SYN3: variants seen among roughly 807,000 people sequenced by gnomAD.
The protein encoded by SYN3 is synapsin-3.
In SYN3, 35 loss-of-function variants were observed where a neutral mutation model predicts 65.8. That is an observed-to-expected ratio of 0.53 (90% CI 0.41 to 0.70). SYN3 has a LOEUF of 0.70. Among genes scored for constraint, SYN3 ranks in the 30% least tolerant of loss-of-function variants. The pLI, the probability that SYN3 is intolerant of heterozygous loss-of-function variation, is 0.00. For missense variants in SYN3, 680 were observed against 749.0 expected (o/e 0.91, Z 1.08); for synonymous variants, 270 against 292.9 (o/e 0.92, Z 0.80).
intron 6 of SYN3, among the ~76,000 whole-genome samples, chr22:32,758,195 A>G (rs1440329222): frequency 1.3e-5 from 2 of 152,180 alleles, no homozygotes; most frequent in Non-Finnish European, 2.9e-5. Context: ...GGTTGTACCA[A>G]GGATAGTTGT....
intron 6 of SYN3, among the ~76,000 whole-genome samples, chr22:32,787,133 C>T (rs2046216433): frequency 6.6e-6 from 1 of 150,416 alleles, no homozygotes. Context: ...CTGCAGCCTC[C>T]ATCTCCTGGG....
At chr22:32,584,682 G>A (rs1345807467) in intron 7 of SYN3, among the ~76,000 whole-genome samples, 2 of 152,146 alleles carry the variant, frequency 1.3e-5, no homozygotes, top group African/African-American at 4.8e-5. Context: ...TGTCCCTCTT[G>A]ACAAAATGGG....
At chr22:32,929,358 A>AT (rs35332800) in intron 4 of SYN3, among the ~76,000 whole-genome samples, 44,402 of 151,894 alleles carry the variant, frequency 0.29, 6,861 homozygotes, top group South Asian at 0.35. Context: ...TCCATACCTG[A>AT]TTTTTTTCAA....
Position 32,980,664 on chromosome 22 carries a change from A to G in SYN3, c.350T>C (p.Ile117Thr), listed in dbSNP as rs1256347672. The part of the protein sequence containing the change: ...YFHGKKVNGE[I>T]EIRVEQAEFS... ...ACCTACCTGCTCCACTCGGATCTCA[A>G]TCTCTCCATTCACCTTCTTCCCATG... Residue 117 changes from isoleucine (I) to threonine (T), a missense_variant, in exon 3 of 14, where the codon ATT (isoleucine) becomes ACT (threonine). By Grantham distance (89) the Ile-to-Thr change is moderately conservative. Coordinates refer to ENST00000358763, the MANE Select transcript of SYN3 (RefSeq NM_003490.4). 3.7e-6 allele frequency: 6 copies of G among 1,613,990 alleles called. No individual in the cohort carries two copies. The highest frequency in any genetic ancestry group is 5.1e-6 in the Non-Finnish European group (6 of 1,179,930).
chr22:33,046,625 G>A (rs1465248378), intron 1 of SYN3, among the ~76,000 whole-genome samples: 2 of 151,718 alleles, frequency 1.3e-5, no homozygotes, highest in Admixed American at 6.6e-5. Context: ...GGTGGATCAC[G>A]AGGTCAGGAG....
In SYN3 at chr22:32,765,718, G is replaced by T. The variant is rs377434643; in HGVS notation, c.711+99197C>A. Among the ~76,000 whole-genome samples, 281 of 152,268 alleles carry T rather than the reference G, an allele frequency of 1.8e-3. 1 individual carries two copies. The highest frequency in any genetic ancestry group is 6.8e-3 in the Middle Eastern group (2 of 294). On this transcript the variant is annotated intron_variant, in intron 6 of 13. Coordinates refer to ENST00000358763, the MANE Select transcript of SYN3 (RefSeq NM_003490.4). ...GGCTAGAGATAGAGAAGGGGAGGAG[G>T]AAGGCTGGGGGACTGTGCACCCCTT...
intron 7 of SYN3, among the ~76,000 whole-genome samples, chr22:32,567,941 T>A (rs924067952): frequency 6.6e-6 from 1 of 152,216 alleles, no homozygotes; most frequent in African/African-American, 2.4e-5. Context: ...CATGGCCATT[T>A]TATGCATCAG....
At chr22:32,900,165 G>A (rs1284265534) in intron 4 of SYN3, among the ~76,000 whole-genome samples, 1 of 152,148 alleles carries the variant, frequency 6.6e-6, no homozygotes, top group Non-Finnish European at 1.5e-5. Context: ...TGACCTTCTA[G>A]TACTGTCTCC....
intron 5 of SYN3, among the ~76,000 whole-genome samples, chr22:32,868,253 C>A (rs986624104): frequency 4.6e-5 from 7 of 151,590 alleles, no homozygotes; most frequent in African/African-American, 1.7e-4. Context: ...TAACATAACA[C>A]CATATCATAA....
At chr22:33,000,846 G>C (rs1346427574) in intron 2 of SYN3, among the ~76,000 whole-genome samples, 2 of 152,308 alleles carry the variant, frequency 1.3e-5, no homozygotes, top group East Asian at 3.9e-4. Context: ...AGACTCTGCA[G>C]AACCACCCAG....
intron 6 of SYN3, among the ~76,000 whole-genome samples, chr22:32,828,501 A>G (rs2146110573): frequency 6.6e-6 from 1 of 152,340 alleles, no homozygotes. Context: ...GAATTGAAAT[A>G]AGTCTTTTCC....
chr22:32,695,564 G>C (rs890492167), intron 6 of SYN3, among the ~76,000 whole-genome samples: 1 of 152,096 alleles, frequency 6.6e-6, no homozygotes, highest in Non-Finnish European at 1.5e-5. Context: ...GGTCAGTGTG[G>C]GTCACCAGAA....
intron 6 of SYN3, among the ~76,000 whole-genome samples, chr22:32,841,915 T>C (rs1239058161): frequency 6.6e-6 from 1 of 152,084 alleles, no homozygotes; most frequent in African/African-American, 2.4e-5. Flanking sequence ...GTGGGAGCTG[T>C]CAGTTGTGCA....
intron 6 of SYN3, among the ~76,000 whole-genome samples, chr22:32,597,404 T>C (rs1179770130): frequency 5.3e-5 from 8 of 151,812 alleles, no homozygotes; most frequent in South Asian, 2.1e-4. Flanking sequence ...CTAGTAGAGA[T>C]GGGGTTTCAC....
chr22:32,727,238 A>G (rs1485423204), intron 6 of SYN3, among the ~76,000 whole-genome samples: 1 of 152,008 alleles, frequency 6.6e-6, no homozygotes, highest in African/African-American at 2.4e-5. Context: ...AACATGCGTT[A>G]TTTGGTTTTC....
intron 1 of SYN3, among the ~76,000 whole-genome samples, chr22:33,017,493 A>G (rs1386097455): frequency 1.3e-5 from 2 of 152,180 alleles, no homozygotes; most frequent in Non-Finnish European, 2.9e-5. Flanking sequence ...CATTCTTCCA[A>G]TCCGTGAACA....
chr22:32,596,760 C>T, intron 6 of SYN3, 24 bp from the exon 7 acceptor site: 1 of 1,612,558 alleles, frequency 6.2e-7, no homozygotes, highest in Non-Finnish European at 8.5e-7. Flanking sequence ...GAAGAAGTCA[C>T]TCTTAACATC....
intron 2 of SYN3, among the ~76,000 whole-genome samples, chr22:32,984,885 C>T (rs1370731354): frequency 6.6e-6 from 1 of 152,210 alleles, no homozygotes; most frequent in African/African-American, 2.4e-5. Flanking sequence ...CTCTACTACT[C>T]ACTGACCATG....
Position 32,528,985 on chromosome 22 carries a change from C to T in SYN3, c.1119G>A (p.Leu373=), listed in dbSNP as rs1338156492. 1 of 1,614,006 alleles carries T rather than the reference C, an allele frequency of 6.2e-7. No individual in the cohort carries two copies. Among genetic ancestry groups the T allele is most frequent in the South Asian group, 1.1e-5 (1 of 91,084 alleles). ...TGTCCTCTTCCACATGCTCTCCAAT[C>T]AGCGGCATTGAGCTGTCCATTACCT... is the stretch of plus-strand genomic sequence containing the variant. The part of the protein sequence containing the change: ...IIEVMDSSMP[L]IGEHVEEDRQ... The change falls in exon 11 of 14, where the codon CTG becomes CTA. Residue 373 remains leucine, a synonymous_variant. Transcript: ENST00000358763.
Sources: allele counts gnomAD v4.1 joint callset (sites outside exome capture counted in the v4.1 genomes callset), GRCh38; gene constraint gnomAD v4.1.1; transcripts MANE v1.5; gene names NCBI Gene and HGNC (gene_info 2026-07-23, HGNC 2026-07-21).